The following PPFIA4 variants were observed in gnomAD, a reference collection of about 807,000 sequenced individuals.
PPFIA4 encodes liprin-alpha-4.
A neutral mutation model predicts 145.7 loss-of-function variants in PPFIA4; 98 were observed. The observed-to-expected ratio is 0.67, with a 90% CI of 0.57 to 0.80. The LOEUF (loss-of-function observed/expected upper bound fraction) is 0.80, where lower values mean the gene tolerates loss of function less well. PPFIA4 is among the 30% of genes least tolerant of loss of function. The pLI, the probability that PPFIA4 is intolerant of heterozygous loss-of-function variation, is 0.00. For missense variants in PPFIA4, 1,457 were observed against 1,632.7 expected (o/e 0.89, Z 1.85); for synonymous variants, 628 against 649.6 (o/e 0.97, Z 0.51).
intron 27 of PPFIA4, among the ~76,000 whole-genome samples, chr1:203,069,747 C>T (rs1017805812): frequency 1.6e-4 from 22 of 133,400 alleles, no homozygotes; most frequent in Middle Eastern, 4.0e-3. Context: ...TGTAGGCATT[C>T]TGCAGTGACC....
At chr1:203,044,281 G>A in intron 4 of PPFIA4, 98 bp from the exon 5 acceptor site, 2 of 1,264,620 alleles carry the variant, frequency 1.6e-6, no homozygotes, top group Non-Finnish European at 2.2e-6. Context: ...GCCCTTCACT[G>A]TCCTCATGCT....
intron 25 of PPFIA4, chr1:203,067,482 G>A: frequency 1.9e-6 from 1 of 516,582 alleles, no homozygotes. Context: ...CTCCCTGACT[G>A]AGAGGGAGGA....
At chr1:203,056,006 C>A in intron 16 of PPFIA4, 114 bp from the exon 17 acceptor site, 1 of 1,046,352 alleles carries the variant, frequency 9.6e-7, no homozygotes, top group South Asian at 1.5e-5. Flanking sequence ...CTCTCCGGGC[C>A]TGTGTGAGGC....
At chr1:203,054,660 G>C (rs1352997237) in intron 15 of PPFIA4, among the ~76,000 whole-genome samples, 1 of 146,210 alleles carries the variant, frequency 6.8e-6, no homozygotes, top group Non-Finnish European at 1.5e-5. Context: ...GCACAGACCA[G>C]TTACAAAGAA....
chr1:203,075,919 AC>A lies in PPFIA4; in HGVS notation c.3574+163del. On this transcript the variant is annotated intron_variant, in intron 29 of 29. Coordinates refer to ENST00000295706, the MANE Select transcript of PPFIA4 (RefSeq NM_001304331.2). The surrounding 1 kb of genome is among the most constrained non-coding windows in gnomAD (Gnocchi z 4.1). ...CGCTCCGCGGGGAGCGTGTGTGCGC[AC>A]TAACCCGCCGCTCTGTGTGTTCTCC... The A allele has an allele frequency of 2.8e-6, 2 of 716,046 alleles. No individual in the cohort carries two copies. Among genetic ancestry groups the A allele is most frequent in the Non-Finnish European group, 2.1e-6 (1 of 487,046 alleles). The allele number at this position is 716,046 out of a possible 1,614,324, so 44.4% of individuals were successfully genotyped here.
At position 203,037,187 on chromosome 1, in the gene PPFIA4, T is replaced by G. The variant is rs183961958; in HGVS notation, c.-399-1423T>G. The stretch of plus-strand genomic sequence containing the variant: ...GTTTCTGCCTAGAGCATCAGTACTC[T>G]GGGGAGGGGGTCCAGGTAGGAGAGG... On this transcript the variant is annotated intron_variant, in intron 1 of 29. Transcript: ENST00000295706. The G allele has an allele frequency of 2.9e-5, 11 of 378,906 alleles. 1 individual carries two copies. The highest frequency in any genetic ancestry group is 3.6e-4 in the Middle Eastern group (1 of 2,768). 23.5% of individuals were successfully genotyped at this position (378,906 alleles called of 1,614,324 possible). A position where few individuals can be genotyped will look rare whatever the true frequency, so the allele number is the denominator to read the frequency against.
chr1:203,028,848 G>A (rs1052644255), intron 1 of PPFIA4, among the ~76,000 whole-genome samples: 13 of 152,108 alleles, frequency 8.5e-5, no homozygotes, highest in Non-Finnish European at 1.2e-4. Context: ...GTCACCATCT[G>A]TCCCCCTCTG....
chr1:203,041,135 G>A (rs1659669280), intron 2 of PPFIA4, among the ~76,000 whole-genome samples: 1 of 152,212 alleles, frequency 6.6e-6, no homozygotes, highest in Admixed American at 6.5e-5. Context: ...TGATTTCATC[G>A]GGTGGTGACA....
At chr1:203,036,275 G>A (rs1051836094) in intron 1 of PPFIA4, among the ~76,000 whole-genome samples, 4 of 152,164 alleles carry the variant, frequency 2.6e-5, no homozygotes, top group East Asian at 3.8e-4. Flanking sequence ...GTTTTGTCTT[G>A]TAGCCGAAGC....
Position 203,068,338 on chromosome 1 carries a change from T to G in PPFIA4, c.3149-115T>G. ...TGGAAATTTAGGGATGGAGTGGGGGTCAGAGAGCAGGGTGGACTGCGGCTC... is the reference window on the plus strand; with the variant it reads ...TGGAAATTTAGGGATGGAGTGGGGGGCAGAGAGCAGGGTGGACTGCGGCTC... On this transcript the variant is annotated intron_variant, in intron 26 of 29. Transcript: ENST00000295706. The surrounding 1 kb of genome is among the most constrained non-coding windows in gnomAD (Gnocchi z 4.7). 1.1e-6 allele frequency: 1 copy of G among 873,360 alleles called. No homozygotes were observed. Among genetic ancestry groups the G allele is most frequent in the Non-Finnish European group, 1.6e-6 (1 of 607,332 alleles). The allele number at this position is 873,360 out of a possible 1,614,324, so 54.1% of individuals were successfully genotyped here.
At position 203,060,906 on chromosome 1, in the gene PPFIA4, C is replaced by T; in HGVS notation, c.2785-64C>T. On this transcript the variant is annotated intron_variant, in intron 22 of 29. Transcript: ENST00000295706. This position sits in a 1 kb window ranked among gnomAD's most constrained non-coding sequence, Gnocchi z 4.8. ...AGCTTTGTCCTTGTCCTTTGGGCTC[C>T]CAGCCTGATGGGGATCCTGGGGACC... The T allele has an allele frequency of 6.6e-7, 1 of 1,516,928 alleles. No homozygotes were observed. The highest frequency in any genetic ancestry group is 9.1e-7 in the Non-Finnish European group (1 of 1,093,204). The allele number at this position is 1,516,928 out of a possible 1,614,324, so 94.0% of individuals were successfully genotyped here. A position where few individuals can be genotyped will look rare whatever the true frequency, so the allele number is the denominator to read the frequency against.
Position 203,055,445 on chromosome 1 carries a change from GAGA to G in PPFIA4, c.1846_1848del (p.Lys616del), listed in dbSNP as rs752455199. On this transcript the variant is annotated inframe_deletion, in exon 16 of 30. Transcript: ENST00000295706. This position sits in a 1 kb window ranked among gnomAD's most constrained non-coding sequence, Gnocchi z 4.8. ...CCTCCCTTCCAGGATGATTCAGGAA[GAGA>G]AGGAGTCCACGGAGCTCCGCGCGGA... 15 of 1,613,890 alleles carry G rather than the reference GAGA, an allele frequency of 9.3e-6. No homozygotes were observed. The highest frequency in any genetic ancestry group is 3.3e-5 in the South Asian group (3 of 91,072).
chr1:203,029,923 T>C (rs965121768), intron 1 of PPFIA4, among the ~76,000 whole-genome samples: 4 of 152,318 alleles, frequency 2.6e-5, no homozygotes, highest in South Asian at 2.1e-4. Context: ...ATACGCACAA[T>C]ATGATTTTGT....
In PPFIA4 at chr1:203,056,687, T is replaced by TA. The variant is rs1424390044; in HGVS notation, c.2241-95dup. On this transcript the variant is annotated intron_variant, in intron 18 of 29. Transcript: ENST00000295706. ...CTTTTCCCCCATCCCAGTTCTGACTTAATAGAAGTTCTTCCTGAGGTCTAA... is the reference window on the plus strand; with the variant it reads ...CTTTTCCCCCATCCCAGTTCTGACTTAAATAGAAGTTCTTCCTGAGGTCTAA... The TA allele has an allele frequency of 5.4e-6, 7 of 1,302,458 alleles. No individual in the cohort carries two copies. In the African/African-American group the frequency reaches 1.0e-4, roughly 19 times the overall value. The allele number at this position is 1,302,458 out of a possible 1,614,324, so 80.7% of individuals were successfully genotyped here.
chr1:203,056,458 G>A lies in PPFIA4; in HGVS notation c.2190G>A (p.Leu730=). The stretch of plus-strand genomic sequence containing the variant: ...CTCCTCCTTCCTCACCCAGGACGCT[G>A]CGGCTAGAGAAGCTTGGCCACCCAG... ...ETSPPSSPRT[L]RLEKLGHPAL... The change falls in exon 18 of 30, where the codon CTG becomes CTA. Residue 730 remains leucine, a synonymous_variant. Transcript: ENST00000295706. 1 of 1,613,996 alleles carries A rather than the reference G, an allele frequency of 6.2e-7. No homozygotes were observed. Among genetic ancestry groups the A allele is most frequent in the Non-Finnish European group, 8.5e-7 (1 of 1,179,888 alleles).
At chr1:203,056,659 C>A in intron 18 of PPFIA4, 125 bp from the exon 19 acceptor site, 3 of 1,305,440 alleles carry the variant, frequency 2.3e-6, no homozygotes, top group Non-Finnish European at 3.2e-6. Flanking sequence ...GTTCATGTGT[C>A]TCCTTTTCCC....
intron 28 of PPFIA4, among the ~76,000 whole-genome samples, chr1:203,073,934 A>G (rs1662343831): frequency 6.6e-6 from 1 of 152,196 alleles, no homozygotes; most frequent in Non-Finnish European, 1.5e-5. Flanking sequence ...GCCAGCTGCC[A>G]CCTATTCATT....
chr1:203,040,700 T>C (rs1043105798), intron 2 of PPFIA4, among the ~76,000 whole-genome samples: 6 of 152,228 alleles, frequency 3.9e-5, no homozygotes, highest in African/African-American at 1.4e-4. Context: ...TTGATGGGCT[T>C]GGGCTAAGTG....
At chr1:203,044,331 T>C in intron 4 of PPFIA4, 48 bp from the exon 5 acceptor site, 3 of 1,522,176 alleles carry the variant, frequency 2.0e-6, no homozygotes. Flanking sequence ...CCAGCCTGAC[T>C]CAAGTGGGGT....
Sources: gnomAD v4.1 joint callset for allele counts (sites outside exome capture counted in the v4.1 genomes callset) on GRCh38, gnomAD v4.1.1 for gene constraint, Gnocchi (gnomAD v3.1) non-coding constraint, MANE v1.5 for transcripts, NCBI Gene and HGNC (gene_info 2026-07-23, HGNC 2026-07-21) for gene names.